ZHX3: variants seen among roughly 807,000 people sequenced by gnomAD.
The protein encoded by ZHX3 is zinc fingers and homeoboxes 3.
ZHX3 carries 20 observed loss-of-function variants against 64.5 expected under a neutral mutation model. That is an observed-to-expected ratio of 0.31 (90% CI 0.22 to 0.45). The LOEUF is 0.45. ZHX3 is among the 20% of genes least tolerant of loss of function. The pLI, the probability that ZHX3 is intolerant of heterozygous loss-of-function variation, is 1.00. For synonymous variants in ZHX3, 423 were observed against 461.6 expected (o/e 0.92, Z 1.07); for missense variants, 1,041 against 1,195.8 (o/e 0.87, Z 1.91).
At chr20:41,281,050 A>T (rs1600615768) in intron 1 of ZHX3, among the ~76,000 whole-genome samples, 1 of 152,220 alleles carries the variant, frequency 6.6e-6, no homozygotes, top group African/African-American at 2.4e-5. Flanking sequence ...TGAAATTTTT[A>T]AATTACAAAA....
At chr20:41,190,532 T>C (rs546379880) in intron 3 of ZHX3, among the ~76,000 whole-genome samples, 4 of 152,218 alleles carry the variant, frequency 2.6e-5, no homozygotes, top group African/African-American at 7.2e-5. Flanking sequence ...TTGTTTTATA[T>C]ATTTTTTTCC....
rs2039272647 is a variant in ZHX3 at position 41,212,976 on chromosome 20, C to G, written c.-150-7910G>C. ...TGGAAACAACCCAAACATCTATCAGCTGGTGAATGGGTAAGTAAAATATGA... is the reference window on the plus strand; with the variant it reads ...TGGAAACAACCCAAACATCTATCAGGTGGTGAATGGGTAAGTAAAATATGA... On this transcript the variant is annotated intron_variant, in intron 2 of 3. Transcript: ENST00000683867. The surrounding 1 kb of genome is among the most constrained non-coding windows in gnomAD (Gnocchi z 4.3). Among the ~76,000 whole-genome samples the G allele has an allele frequency of 6.6e-6, 1 of 152,170 alleles. No individual in the cohort carries two copies. The highest frequency in any genetic ancestry group is 2.1e-4 in the South Asian group (1 of 4,832).
intron 1 of ZHX3, among the ~76,000 whole-genome samples, chr20:41,307,121 A>C (rs1203338246): frequency 6.6e-6 from 1 of 152,228 alleles, no homozygotes; most frequent in African/African-American, 2.4e-5. Flanking sequence ...AAGTGTGCAA[A>C]GGTCTAGGGC....
At position 41,203,512 on chromosome 20, in the gene ZHX3, C is replaced by T. The variant is rs920690921; in HGVS notation, c.1405G>A (p.Ala469Thr). 6.2e-6 allele frequency: 10 copies of T among 1,614,068 alleles called. No individual in the cohort carries two copies. The African/African-American group carries it at 1.2e-4, about 19-fold the overall frequency. Residue 469 changes from alanine (A) to threonine (T), a missense_variant, in exon 3 of 4, where the codon GCT becomes ACT. Ala to Thr is a moderately conservative substitution (Grantham distance 58, BLOSUM62 0). Transcript: ENST00000683867. The surrounding 1 kb of genome is among the most constrained non-coding windows in gnomAD (Gnocchi z 7.1). The stretch of plus-strand genomic sequence containing the variant: ...TGGGCCGCATTGACCACCTTCACAG[C>T]TGACGTTGTATTTGAACACACAGTG... Reference protein sequence around the residue: ...INTVCSNTTSAVKVVNAAQSL... With the variant: ...INTVCSNTTSTVKVVNAAQSL...
intron 1 of ZHX3, among the ~76,000 whole-genome samples, chr20:41,294,041 A>AG (rs904717423): frequency 6.6e-6 from 1 of 152,168 alleles, no homozygotes; most frequent in African/African-American, 2.4e-5. Context: ...AGAAGGCTAC[A>AG]GCTTTGTAAA....
In ZHX3 at chr20:41,228,231, A is replaced by G. The variant is rs1281680774; in HGVS notation, c.-150-23165T>C. Among the ~76,000 whole-genome samples, 1 of 152,150 alleles carries G rather than the reference A, an allele frequency of 6.6e-6. No individual in the cohort carries two copies. The highest frequency in any genetic ancestry group is 2.4e-5 in the African/African-American group (1 of 41,444). ...GCCCTGACCTATCTACCAAGTTCCA[A>G]ATCCATTACTTCCAACTGCCATTGA... On this transcript the variant is annotated intron_variant, in intron 2 of 3. Coordinates refer to ENST00000683867, the MANE Select transcript of ZHX3 (RefSeq NM_001384317.1). This position sits in a 1 kb window ranked among gnomAD's most constrained non-coding sequence, Gnocchi z 4.6.
intron 2 of ZHX3, among the ~76,000 whole-genome samples, chr20:41,246,905 CAAAA>C (rs902520812): frequency 1.5e-4 from 19 of 122,954 alleles, no homozygotes; most frequent in African/African-American, 2.3e-4. Flanking sequence ...AACAAACAAA[CAAAA>C]AAAACTAATA....
At chr20:41,302,036 G>A (rs1271702710) in intron 1 of ZHX3, among the ~76,000 whole-genome samples, 7 of 127,902 alleles carry the variant, frequency 5.5e-5, no homozygotes, top group African/African-American at 1.3e-4. Flanking sequence ...CCTGGGCGAC[G>A]GAGCGAGACT....
rs2038286204 is a variant in ZHX3, at chr20:41,202,226, T to C, written c.2691A>G (p.Thr897=). Reference sequence around the variant, plus strand: ...TACCAGGGCCCTGGTCCTCACTGCCTGTGTCTGCCACGGCTCTGGTCTCCT... The same window carrying C: ...TACCAGGGCCCTGGTCCTCACTGCCCGTGTCTGCCACGGCTCTGGTCTCCT... ...MGEETRAVAD[T]GSEDQGPGTG... is the part of the protein sequence containing the mutation. Residue 897 remains threonine, a synonymous_variant, in exon 3 of 4, where the codon ACA becomes ACG. Coordinates refer to ENST00000683867, the MANE Select transcript of ZHX3 (RefSeq NM_001384317.1). This position sits in a 1 kb window ranked among gnomAD's most constrained non-coding sequence, Gnocchi z 7.0. The C allele has an allele frequency of 6.2e-6, 10 of 1,614,134 alleles. No individual in the cohort carries two copies. Among genetic ancestry groups the C allele is most frequent in the Non-Finnish European group, 8.5e-6 (10 of 1,180,036 alleles).
At chr20:41,284,341 A>C (rs1275147412) in intron 1 of ZHX3, among the ~76,000 whole-genome samples, 1 of 152,050 alleles carries the variant, frequency 6.6e-6, no homozygotes, top group Admixed American at 6.5e-5. Flanking sequence ...AACTATCCCC[A>C]AAGCCAGCTT....
Position 41,202,069 on chromosome 20 carries a change from C to G in ZHX3, c.2848G>C (p.Gly950Arg), listed in dbSNP as rs747826707. ...EPFDTSSPQA[G>R]RQLETD ...GTGGACTCCTTACCGAGCTGACGTC[C>G]AGCCTGGGGACTCGATGTGTCAAAG... The change falls in exon 3 of 4, where the codon GGA (glycine) becomes CGA (arginine). Residue 950 changes from glycine (G) to arginine (R), a missense_variant. Physicochemically the swap from Gly to Arg is moderately radical, Grantham distance 125. Coordinates refer to ENST00000683867, the MANE Select transcript of ZHX3 (RefSeq NM_001384317.1). The surrounding 1 kb of genome is among the most constrained non-coding windows in gnomAD (Gnocchi z 7.0). The G allele has an allele frequency of 6.3e-7, 1 of 1,598,798 alleles. No individual in the cohort carries two copies. Among genetic ancestry groups the G allele is most frequent in the Admixed American group, 1.7e-5 (1 of 58,812 alleles).
intron 2 of ZHX3, among the ~76,000 whole-genome samples, chr20:41,220,702 G>GT (rs1314320650): frequency 2.0e-5 from 3 of 151,378 alleles, no homozygotes. Flanking sequence ...TTTTTGTTTT[G>GT]TTTTGTTTTG....
chr20:41,208,926 G>A (rs1240333907), intron 2 of ZHX3, among the ~76,000 whole-genome samples: 1 of 152,196 alleles, frequency 6.6e-6, no homozygotes. Flanking sequence ...TGACATGATT[G>A]TATATTTAGA....
In ZHX3 at chr20:41,203,838, C is replaced by T; in HGVS notation, c.1079G>A (p.Gly360Glu). 1 of 1,614,264 alleles carries T rather than the reference C, an allele frequency of 6.2e-7. No homozygotes were observed. ...AATCTCCTCAGGGGACCAGCTGATC[C>T]CCTGCTTCAGCCTTTGGGCTGTGAA... ...IWFTAQRLKQ[G>E]ISWSPEEIED... The change falls in exon 3 of 4, where the codon GGG (glycine) becomes GAG (glutamate). Residue 360 changes from glycine (G) to glutamate (E), a missense_variant. Physicochemically the swap from Gly to Glu is moderately conservative, Grantham distance 98. This residue lies in a region of ZHX3 where 28 missense variants were observed against 66.7 expected (regional missense o/e 0.42). Transcript: ENST00000683867. This position sits in a 1 kb window ranked among gnomAD's most constrained non-coding sequence, Gnocchi z 7.1.
chr20:41,281,482 A>G (rs908336490), intron 1 of ZHX3, among the ~76,000 whole-genome samples: 1 of 152,248 alleles, frequency 6.6e-6, no homozygotes, highest in African/African-American at 2.4e-5. Flanking sequence ...GTGAAGTGCA[A>G]TTGCTAATAA....
chr20:41,211,097 A>T (rs2039128395), intron 2 of ZHX3, among the ~76,000 whole-genome samples: 2 of 152,296 alleles, frequency 1.3e-5, no homozygotes, highest in South Asian at 4.1e-4. Flanking sequence ...TATATATAAA[A>T]GACCGAAATT....
At chr20:41,220,195 C>T (rs1435043723) in intron 2 of ZHX3, among the ~76,000 whole-genome samples, 1 of 152,226 alleles carries the variant, frequency 6.6e-6, no homozygotes, top group African/African-American at 2.4e-5. Flanking sequence ...CTACCCACCT[C>T]TGTCTTCCGG....
At position 41,226,476 on chromosome 20, in the gene ZHX3, A is replaced by G. The variant is rs1242919122; in HGVS notation, c.-150-21410T>C. Reference sequence around the variant, plus strand: ...TTTAGGTTGCTTCCCCCTCTTGGTTATTGTGAATAATGCTGCAGTGAATAT... The same window carrying G: ...TTTAGGTTGCTTCCCCCTCTTGGTTGTTGTGAATAATGCTGCAGTGAATAT... On this transcript the variant is annotated intron_variant, in intron 2 of 3. Transcript: ENST00000683867. The surrounding 1 kb of genome is among the most constrained non-coding windows in gnomAD (Gnocchi z 4.4). Among the ~76,000 whole-genome samples, 3 of 152,060 alleles carry G rather than the reference A, an allele frequency of 2.0e-5. No individual in the cohort carries two copies. The highest frequency in any genetic ancestry group is 2.0e-4 in the Admixed American group (3 of 15,278).
chr20:41,295,450 T>C (rs1373027237), intron 1 of ZHX3, among the ~76,000 whole-genome samples: 3 of 152,178 alleles, frequency 2.0e-5, no homozygotes, highest in African/African-American at 4.8e-5. Context: ...AAATTATGCA[T>C]GCATGTGATC....
Sources: allele counts gnomAD v4.1 joint callset (sites outside exome capture counted in the v4.1 genomes callset), GRCh38; gene constraint gnomAD v4.1.1; regional missense constraint gnomAD v4.1.1; non-coding constraint Gnocchi (gnomAD v3.1); transcripts MANE v1.5; gene names NCBI Gene and HGNC (gene_info 2026-07-23, HGNC 2026-07-21).